Variants in SLMAP observed in about 807,000 individuals in gnomAD.
SLMAP encodes sarcolemma associated protein, also known as sarcolemmal membrane-associated protein.
Under a neutral mutation model 128.8 loss-of-function variants are expected in SLMAP, and 44 were observed. The ratio of observed to expected loss-of-function variants is 0.34; its 90% confidence interval spans 0.27 to 0.44. The LOEUF is 0.44. SLMAP is among the 20% of genes least tolerant of loss of function. SLMAP has a pLI of 1.00. For synonymous variants in SLMAP, 327 were observed against 348.8 expected, an observed-to-expected ratio of 0.94 and a Z score of 0.70; for missense variants, 787 against 985.3, an observed-to-expected ratio of 0.80 and a Z score of 2.69.
rs950386348 is a variant in SLMAP at position 57,929,889 on chromosome 3, C to T, written c.*2600C>T. ...AAGATAATGTATGTGAAGTACCATT[C>T]GAGTGGTGAATACGTTTTTATGAGA... On this transcript the variant is annotated 3_prime_UTR_variant, in exon 25 of 25. Coordinates refer to ENST00000671191, the MANE Select transcript of SLMAP (RefSeq NM_001377540.1). 1.3e-5 allele frequency among the ~76,000 whole-genome samples: 2 copies of T among 152,098 alleles called. No homozygotes were observed. The highest frequency in any genetic ancestry group is 2.1e-4 in the South Asian group (1 of 4,818).
At chr3:57,834,862 C>G (rs1291788415) in intron 3 of SLMAP, among the ~76,000 whole-genome samples, 1 of 152,030 alleles carries the variant, frequency 6.6e-6, no homozygotes, top group African/African-American at 2.4e-5. Flanking sequence ...TGGCTCATGC[C>G]TGTAATCCTA....
intron 2 of SLMAP, among the ~76,000 whole-genome samples, chr3:57,786,785 G>A (rs1354689801): frequency 3.4e-5 from 5 of 148,112 alleles, no homozygotes; most frequent in Non-Finnish European, 7.4e-5. Context: ...CCAGGCTGGA[G>A]TGCAGTGGTG....
chr3:57,833,392 G>A (rs1050426226), intron 3 of SLMAP, among the ~76,000 whole-genome samples: 2 of 151,998 alleles, frequency 1.3e-5, no homozygotes, highest in African/African-American at 4.8e-5. Context: ...TGAGATTCAA[G>A]GTTCCTCTTA....
At chr3:57,895,715 G>A (rs2096226741) in intron 15 of SLMAP, among the ~76,000 whole-genome samples, 1 of 152,104 alleles carries the variant, frequency 6.6e-6, no homozygotes, top group South Asian at 2.1e-4. Context: ...GCTGAGACGG[G>A]AGGATCAGTT....
intron 17 of SLMAP, 149 bp from the exon 18 acceptor site, chr3:57,907,735 G>T: frequency 1.8e-6 from 1 of 571,224 alleles, no homozygotes; most frequent in Non-Finnish European, 2.9e-6. Flanking sequence ...CTACTAAAAT[G>T]CTTACTATAA....
rs146354403 is a variant in SLMAP at position 57,769,032 on chromosome 3, C to G, written c.198+11183C>G. 2.2e-3 allele frequency among the ~76,000 whole-genome samples: 328 copies of G among 152,150 alleles called. 1 individual carries two copies. The highest frequency in any genetic ancestry group is 7.7e-3 in the African/African-American group (318 of 41,484). On this transcript the variant is annotated intron_variant, in intron 2 of 24. Transcript: ENST00000671191. The stretch of plus-strand genomic sequence containing the variant: ...GCAATCGGTTCTGTTTTTCTAGAGC[C>G]TTGACTAACATAGGATATGACTGCC...
intron 2 of SLMAP, among the ~76,000 whole-genome samples, chr3:57,768,320 G>C (rs1436848882): frequency 6.6e-6 from 1 of 152,102 alleles, no homozygotes; most frequent in African/African-American, 2.4e-5. Flanking sequence ...TTATATATAA[G>C]TACTGACTTA....
chr3:57,831,448 C>A lies in SLMAP; in HGVS notation c.264C>A (p.Gly88=). 1 of 1,596,198 alleles carries A rather than the reference C, an allele frequency of 6.3e-7. No homozygotes were observed. Among genetic ancestry groups the A allele is most frequent in the Non-Finnish European group, 8.5e-7 (1 of 1,170,088 alleles). The change falls in exon 3 of 25, where the codon GGC becomes GGA. Residue 88 remains glycine (G), a synonymous_variant. Coordinates refer to ENST00000671191, the MANE Select transcript of SLMAP (RefSeq NM_001377540.1). The part of the protein sequence containing the change: ...TFINSQRLSR[G]SEESPPCEIL... ...TAAATAGCCAGAGATTGAGTCGAGGCTCTGAAGAAAGTCCACCATGTGAAA... is the reference window on the plus strand; with the variant it reads ...TAAATAGCCAGAGATTGAGTCGAGGATCTGAAGAAAGTCCACCATGTGAAA...
chr3:57,829,166 A>G (rs2093152249), intron 2 of SLMAP, among the ~76,000 whole-genome samples: 1 of 152,146 alleles, frequency 6.6e-6, no homozygotes. Flanking sequence ...GTTGATATAC[A>G]TACATATATA....
Position 57,846,639 on chromosome 3 carries a change from C to T in SLMAP, c.420-558C>T, listed in dbSNP as rs576046967. Among the ~76,000 whole-genome samples the T allele has an allele frequency of 3.3e-4, 50 of 151,470 alleles. 2 individuals are homozygous for T. In the East Asian group the frequency reaches 9.5e-3, roughly 29 times the overall value. On this transcript the variant is annotated intron_variant, in intron 4 of 24. Coordinates refer to ENST00000671191, the MANE Select transcript of SLMAP (RefSeq NM_001377540.1). ...TGGCGCAATCTTGGCTCACTGCAAC[C>T]TCCACCTCCTGAGTTCAAGCGATTC...
chr3:57,824,448 G>A (rs2092768134), intron 2 of SLMAP, among the ~76,000 whole-genome samples: 1 of 152,094 alleles, frequency 6.6e-6, no homozygotes, highest in Non-Finnish European at 1.5e-5. Context: ...ATGGTATGAG[G>A]CAGGGGTCCA....
chr3:57,860,733 T>C lies in SLMAP; in HGVS notation c.722T>C (p.Ile241Thr), dbSNP rs772627783. ...GAAGATAGTTTACGAAAGGAACTTA[T>C]AGCATTACAAGAGGATAAACATAAC... ...QTEDSLRKEL[I>T]ALQEDKHNYE... is the part of the protein sequence containing the mutation. The change falls in exon 9 of 25, where the codon ATA becomes ACA. Residue 241 changes from isoleucine (I) to threonine (T), a missense_variant. Coordinates refer to ENST00000671191, the MANE Select transcript of SLMAP (RefSeq NM_001377540.1). 18 of 1,589,398 alleles carry C rather than the reference T, an allele frequency of 1.1e-5. No homozygotes were observed. The highest frequency in any genetic ancestry group is 1.7e-4 in the Middle Eastern group (1 of 5,916).
chr3:57,851,017 T>TA (rs2094479383), intron 6 of SLMAP, among the ~76,000 whole-genome samples: 1 of 152,188 alleles, frequency 6.6e-6, no homozygotes, highest in Non-Finnish European at 1.5e-5. Context: ...ATATAGCACT[T>TA]ATTATATGCC....
chr3:57,778,368 CT>C (rs967410636), intron 2 of SLMAP, among the ~76,000 whole-genome samples: 80 of 142,656 alleles, frequency 5.6e-4, no homozygotes, highest in Non-Finnish European at 6.6e-4. Context: ...TAATGTGTGC[CT>C]TTTTTTTTTT....
chr3:57,868,866 T>C (rs1337216616), intron 13 of SLMAP, among the ~76,000 whole-genome samples: 5 of 139,768 alleles, frequency 3.6e-5, no homozygotes, highest in African/African-American at 1.3e-4. Context: ...ATATTATATA[T>C]GTGTGTATTA....
rs1001625723 is a variant in SLMAP at position 57,928,360 on chromosome 3, T to C, written c.*1071T>C. On this transcript the variant is annotated 3_prime_UTR_variant, in exon 25 of 25. Coordinates refer to ENST00000671191, the MANE Select transcript of SLMAP (RefSeq NM_001377540.1). ...GCTTGTATTGACCTAATTTGGTTTA[T>C]GATGTGTCAGAGCTAATTCATGTTC... The C allele has an allele frequency of 2.6e-5, 4 of 152,194 alleles. No homozygotes were observed. The highest frequency in any genetic ancestry group is 5.9e-5 in the Non-Finnish European group (4 of 68,024). The allele number at this position is 152,194 out of a possible 1,614,324, so 9.4% of individuals were successfully genotyped here.
At chr3:57,828,418 A>G (rs2093079345) in intron 2 of SLMAP, among the ~76,000 whole-genome samples, 1 of 152,226 alleles carries the variant, frequency 6.6e-6, no homozygotes, top group African/African-American at 2.4e-5. Flanking sequence ...AAAAGGTTAA[A>G]TTATATAAAT....
intron 14 of SLMAP, among the ~76,000 whole-genome samples, chr3:57,873,957 C>T (rs962418123): frequency 6.6e-6 from 1 of 152,124 alleles, no homozygotes; most frequent in African/African-American, 2.4e-5. Context: ...CCCATCTCTA[C>T]TAAAAATACA....
intron 2 of SLMAP, among the ~76,000 whole-genome samples, chr3:57,781,013 T>C (rs939581508): frequency 6.7e-6 from 1 of 149,564 alleles, no homozygotes; most frequent in South Asian, 2.1e-4. Flanking sequence ...CATATATATA[T>C]ACATATATAT....
Sources: gnomAD v4.1 joint callset for allele counts (sites outside exome capture counted in the v4.1 genomes callset) on GRCh38, gnomAD v4.1.1 for gene constraint, MANE v1.5 for transcripts, NCBI Gene and HGNC (gene_info 2026-07-23, HGNC 2026-07-21) for gene names.